The following PHLPP2 variants were observed in gnomAD, a reference collection of about 807,000 sequenced individuals.
PHLPP2 encodes PH domain leucine-rich repeat-containing protein phosphatase 2.
A neutral mutation model predicts 124.9 loss-of-function variants in PHLPP2; 66 were observed. The observed-to-expected ratio is 0.53, with a 90% CI of 0.43 to 0.65. The LOEUF is 0.65. Ranked by LOEUF, PHLPP2 falls within the 30% of genes least tolerant of loss-of-function variation. The pLI is 0.00. For synonymous variants in PHLPP2, 681 were observed against 624.7 expected, an observed-to-expected ratio of 1.09 and a Z score of -1.34; for missense variants, 1,685 against 1,600.4, an observed-to-expected ratio of 1.05 and a Z score of -0.90.
intron 1 of PHLPP2, among the ~76,000 whole-genome samples, chr16:71,716,516 C>T (rs1567631389): frequency 6.6e-6 from 1 of 152,156 alleles, no homozygotes; most frequent in Non-Finnish European, 1.5e-5. Flanking sequence ...TCAGCATTTG[C>T]CTGCTCTATT....
chr16:71,678,506 G>A, intron 8 of PHLPP2: 1 of 417,222 alleles, frequency 2.4e-6, no homozygotes, highest in Non-Finnish European at 4.3e-6. Flanking sequence ...CAGGCCTCGT[G>A]GTGCGCACCT....
intron 3 of PHLPP2, among the ~76,000 whole-genome samples, chr16:71,698,089 C>T (rs1265094243): frequency 1.3e-5 from 2 of 152,036 alleles, no homozygotes; most frequent in Admixed American, 1.3e-4. Context: ...CCTCGTGATC[C>T]GCCTGCCACA....
intron 2 of PHLPP2, among the ~76,000 whole-genome samples, chr16:71,711,330 T>C (rs2045322880): frequency 1.4e-5 from 2 of 143,446 alleles, no homozygotes; most frequent in African/African-American, 5.2e-5. Context: ...AAACTCCGTC[T>C]CAAAAAAAAA....
In PHLPP2 at chr16:71,663,968, A is replaced by G; in HGVS notation, c.1916T>C (p.Val639Ala). The G allele has an allele frequency of 6.2e-7, 1 of 1,614,044 alleles. No individual in the cohort carries two copies. Among genetic ancestry groups the G allele is most frequent in the Non-Finnish European group, 8.5e-7 (1 of 1,179,882 alleles). The change falls in exon 13 of 19, where the codon GTC becomes GCC. Residue 639 changes from valine (V) to alanine (A), a missense_variant. Val to Ala is a moderately conservative substitution (Grantham distance 64). Transcript: ENST00000568954. ...TCGCAGGTGCAGGTGCCCTACCAGG[A>G]CAGGTATGCACTGATCCGTCAGGAG... ...NNLLTDQCIP[V>A]LVGHLHLRIL...
At chr16:71,685,254 G>A (rs1247200366) in intron 4 of PHLPP2, among the ~76,000 whole-genome samples, 5 of 152,208 alleles carry the variant, frequency 3.3e-5, no homozygotes, top group Admixed American at 1.3e-4. Context: ...TTGAACCCAG[G>A]GGGCGGAGGT....
intron 2 of PHLPP2, among the ~76,000 whole-genome samples, chr16:71,707,933 T>C (rs2045290366): frequency 6.6e-6 from 1 of 152,144 alleles, no homozygotes; most frequent in Non-Finnish European, 1.5e-5. Flanking sequence ...AGATCTGTAT[T>C]ACAGCAAGCC....
intron 5 of PHLPP2, 24 bp downstream of exon 5, chr16:71,684,452 T>G: frequency 1.2e-6 from 2 of 1,613,030 alleles, no homozygotes; most frequent in Non-Finnish European, 1.7e-6. Flanking sequence ...TATCTCCACA[T>G]CAGAACATCC....
At chr16:71,717,220 T>C (rs1231380421) in intron 1 of PHLPP2, among the ~76,000 whole-genome samples, 2 of 152,224 alleles carry the variant, frequency 1.3e-5, no homozygotes, top group African/African-American at 4.8e-5. Context: ...CAGCAAATAC[T>C]ATTTTTATAA....
At chr16:71,692,738 T>A (rs912173794) in intron 3 of PHLPP2, among the ~76,000 whole-genome samples, 2 of 152,230 alleles carry the variant, frequency 1.3e-5, no homozygotes, top group Non-Finnish European at 2.9e-5. Flanking sequence ...ACTTCCTGTA[T>A]AATTTGAATA....
At chr16:71,678,655 T>A in intron 8 of PHLPP2, 100 bp downstream of exon 8, 1 of 724,600 alleles carries the variant, frequency 1.4e-6, no homozygotes, top group Non-Finnish European at 2.4e-6. Context: ...AACAACAAAA[T>A]TTTAAAAACC....
At chr16:71,652,642 T>C (rs1198389398) in intron 18 of PHLPP2, 148 bp downstream of exon 18, 1 of 606,812 alleles carries the variant, frequency 1.6e-6, no homozygotes, top group Non-Finnish European at 2.9e-6. Context: ...TCCAGTACTG[T>C]TGCTGAAACC....
At chr16:71,684,828 C>T (rs773864186) in intron 4 of PHLPP2, among the ~76,000 whole-genome samples, 35 of 152,310 alleles carry the variant, frequency 2.3e-4, no homozygotes, top group Admixed American at 1.8e-3. Context: ...CTATCACCAG[C>T]AGCTGGGTAG....
At chr16:71,656,818 T>G (rs956358186) in intron 15 of PHLPP2, 137 bp from the exon 16 acceptor site, 1 of 550,496 alleles carries the variant, frequency 1.8e-6, no homozygotes. Context: ...TGGTGTGACC[T>G]CAGCTCACTG....
chr16:71,681,895 T>C lies in PHLPP2; in HGVS notation c.746A>G (p.Gln249Arg), dbSNP rs551759542. 6.2e-7 allele frequency: 1 copy of C among 1,609,296 alleles called. No homozygotes were observed. The highest frequency in any genetic ancestry group is 2.2e-5 in the East Asian group (1 of 44,620). ...WQRQASKVVSQRISTVDLSCY... is the reference protein window; with the variant it reads ...WQRQASKVVSRRISTVDLSCY... ...CGAGAGATCCACGGTACTGATTCGCTGGGACACCACCTGAATAATGTCAAA... is the reference window on the plus strand; with the variant it reads ...CGAGAGATCCACGGTACTGATTCGCCGGGACACCACCTGAATAATGTCAAA... Residue 249 changes from glutamine (Q) to arginine (R), a missense_variant, in exon 6 of 19, where the codon CAG becomes CGG. Gln to Arg is a conservative substitution (Grantham distance 43). Coordinates refer to ENST00000568954, the MANE Select transcript of PHLPP2 (RefSeq NM_015020.3).
chr16:71,720,886 A>C (rs2045394164), intron 1 of PHLPP2, among the ~76,000 whole-genome samples: 1 of 152,198 alleles, frequency 6.6e-6, no homozygotes, highest in Non-Finnish European at 1.5e-5. Context: ...AAAAAAAAAA[A>C]AACAATGTGA....
intron 10 of PHLPP2, among the ~76,000 whole-genome samples, chr16:71,669,906 G>A (rs2044875530): frequency 6.6e-6 from 1 of 152,076 alleles, no homozygotes; most frequent in African/African-American, 2.4e-5. Flanking sequence ...TTTTTTTTCA[G>A]ATGTGACAGC....
At chr16:71,706,950 T>C (rs1371837869) in intron 2 of PHLPP2, among the ~76,000 whole-genome samples, 3 of 45,070 alleles carry the variant, frequency 6.7e-5, no homozygotes, top group South Asian at 1.3e-3. Flanking sequence ...TACACCATTT[T>C]TTTTTTTTTT....
chr16:71,708,407 G>A (rs1420198210), intron 2 of PHLPP2, among the ~76,000 whole-genome samples: 1 of 152,118 alleles, frequency 6.6e-6, no homozygotes, highest in Non-Finnish European at 1.5e-5. Context: ...GCAAGAGCAG[G>A]TTGACTGTAA....
intron 3 of PHLPP2, among the ~76,000 whole-genome samples, chr16:71,697,512 G>C (rs2045184981): frequency 6.6e-6 from 1 of 152,122 alleles, no homozygotes; most frequent in South Asian, 2.1e-4. Context: ...ATAAACAATA[G>C]TATTGCCACA....
Sources: allele counts gnomAD v4.1 joint callset (sites outside exome capture counted in the v4.1 genomes callset), GRCh38; gene constraint gnomAD v4.1.1; transcripts MANE v1.5; gene names NCBI Gene and HGNC (gene_info 2026-07-23, HGNC 2026-07-21).